The following CASZ1 variants were observed in gnomAD, a reference collection of about 807,000 sequenced individuals.
CASZ1 encodes castor zinc finger 1, also known as zinc finger protein castor homolog 1.
CASZ1 carries 28 observed loss-of-function variants against 135.2 expected under a neutral mutation model. That is an observed-to-expected ratio of 0.21 (90% CI 0.15 to 0.28). The LOEUF (loss-of-function observed/expected upper bound fraction) is 0.28, where lower values mean the gene tolerates loss of function less well. CASZ1 is among the 10% of genes least tolerant of loss of function. The probability of loss-of-function intolerance (pLI) is 1.00; values close to 1 mark genes in which losing one functional copy is unlikely to be tolerated. For synonymous variants in CASZ1, 1,068 were observed against 1,073.4 expected (o/e 0.99, Z 0.10); for missense variants, 2,161 against 2,453.3 (o/e 0.88, Z 2.52).
chr1:10,709,777 G>A lies in CASZ1; in HGVS notation c.-76-4233C>T, dbSNP rs1270371126. On this transcript the variant is annotated intron_variant, in intron 2 of 20. Transcript: ENST00000377022. This position sits in a 1 kb window ranked among gnomAD's most constrained non-coding sequence, Gnocchi z 5.1. ...GGATGCGCACCAGGGGGATCCCATG[G>A]CATAACCAGGCAAAACGGAAAGGTC... is the stretch of plus-strand genomic sequence containing the variant. 6.6e-6 allele frequency among the ~76,000 whole-genome samples: 1 copy of A among 152,196 alleles called. No homozygotes were observed. Among genetic ancestry groups the A allele is most frequent in the Non-Finnish European group, 1.5e-5 (1 of 68,040 alleles).
In CASZ1 at chr1:10,653,877, T is replaced by C. The variant is rs1642691863; in HGVS notation, c.2180A>G (p.Asp727Gly). The change falls in exon 11 of 21, where the codon GAC becomes GGC. Residue 727 changes from aspartate (D) to glycine (G), a missense_variant. By Grantham distance (94) the Asp-to-Gly change is moderately conservative. Transcript: ENST00000377022. ...HEESSNDDLV[D>G]FSALSSKNSS... ...GTTCTTGCTGCTCAGGGCGGAGAAG[T>C]CAACAAGGTCGTCGTTGCTGGACTC... 6.2e-7 allele frequency: 1 copy of C among 1,613,086 alleles called. No individual in the cohort carries two copies. Among genetic ancestry groups the C allele is most frequent in the African/African-American group, 1.3e-5 (1 of 75,024 alleles).
intron 2 of CASZ1, among the ~76,000 whole-genome samples, chr1:10,731,048 G>A (rs147106061): frequency 8.5e-5 from 13 of 152,152 alleles, no homozygotes; most frequent in Middle Eastern, 6.8e-3. Flanking sequence ...AGAAGTTGCA[G>A]TGAGCCAACA....
chr1:10,760,846 A>C lies in CASZ1; in HGVS notation c.-222T>G, dbSNP rs1482121628. 1 of 152,246 alleles carries C rather than the reference A, an allele frequency of 6.6e-6. No individual in the cohort carries two copies. The highest frequency in any genetic ancestry group is 1.5e-5 in the Non-Finnish European group (1 of 68,060). 9.4% of individuals were successfully genotyped at this position (152,246 alleles called of 1,614,324 possible). ...GAGGAGTCTTTGCCTTCAGTCAGCA[A>C]GGTCTGTTTGCCTGCCAAAATGAGA... On this transcript the variant is annotated 5_prime_UTR_variant, in exon 2 of 21. Transcript: ENST00000377022.
chr1:10,643,706 C>T (rs1398399430), intron 18 of CASZ1, among the ~76,000 whole-genome samples: 1 of 152,194 alleles, frequency 6.6e-6, no homozygotes, highest in African/African-American at 2.4e-5. Context: ...GCCCCTCTGC[C>T]CAGGCCCCAG....
intron 2 of CASZ1, among the ~76,000 whole-genome samples, chr1:10,740,004 C>T (rs1002597687): frequency 1.3e-5 from 2 of 152,168 alleles, no homozygotes; most frequent in African/African-American, 4.8e-5. Context: ...GGTGTCACAG[C>T]GTGTCCTCAT....
chr1:10,745,049 A>G (rs1397709998), intron 2 of CASZ1, among the ~76,000 whole-genome samples: 2 of 152,174 alleles, frequency 1.3e-5, no homozygotes, highest in African/African-American at 4.8e-5. Context: ...AAAGCCCAGT[A>G]TGACCTGGAT....
intron 1 of CASZ1, among the ~76,000 whole-genome samples, chr1:10,761,554 A>AG (rs372864728): frequency 2.0e-5 from 3 of 152,034 alleles, no homozygotes; most frequent in Non-Finnish European, 4.4e-5. Flanking sequence ...CAAAAAAAAA[A>AG]GTAGCCAAAG....
intron 4 of CASZ1, among the ~76,000 whole-genome samples, chr1:10,671,949 C>G (rs1643414915): frequency 6.6e-6 from 1 of 152,186 alleles, no homozygotes; most frequent in Admixed American, 6.5e-5. Flanking sequence ...CCTGGAGAGG[C>G]CCCAGACCTA....
intron 2 of CASZ1, among the ~76,000 whole-genome samples, chr1:10,743,499 C>G (rs548794962): frequency 1.5e-3 from 227 of 151,600 alleles, no homozygotes; most frequent in African/African-American, 5.3e-3. Context: ...GACCTGTACT[C>G]AGGGGGATGG....
At chr1:10,658,614 T>C (rs1284054438) in intron 6 of CASZ1, 38 bp from the exon 7 acceptor site, 1 of 1,584,936 alleles carries the variant, frequency 6.3e-7, no homozygotes, top group Non-Finnish European at 8.7e-7. Context: ...GGTGAGCAGA[T>C]GGGGCAGCCT....
At chr1:10,653,214 A>G (rs1208624686) in intron 11 of CASZ1, 163 bp downstream of exon 11, 1 of 783,958 alleles carries the variant, frequency 1.3e-6, no homozygotes, top group Non-Finnish European at 2.1e-6. Context: ...CATAGAAACC[A>G]ACAGGATGGG....
At chr1:10,785,057 GTC>G (rs111606813) in intron 1 of CASZ1, among the ~76,000 whole-genome samples, 15,593 of 146,788 alleles carry the variant, frequency 0.11, 1,371 homozygotes, top group African/African-American at 0.24. Flanking sequence ...CTTTCTTTCT[GTC>G]TCTCTCTCTC....
chr1:10,662,684 T>A (rs1249079182), intron 5 of CASZ1, among the ~76,000 whole-genome samples: 1 of 151,986 alleles, frequency 6.6e-6, no homozygotes, highest in Non-Finnish European at 1.5e-5. Flanking sequence ...GACTCTCACA[T>A]AAAACACACA....
rs368578179 is a variant in CASZ1 at position 10,743,468 on chromosome 1, C to G, written c.-77+17233G>C. On this transcript the variant is annotated intron_variant, in intron 2 of 20. Transcript: ENST00000377022. ...CTCCACCGAGAACCTTCTAAGTGTACCCCGGCATCCTCCACGTAGAGACCT... is the reference window on the plus strand; with the variant it reads ...CTCCACCGAGAACCTTCTAAGTGTAGCCCGGCATCCTCCACGTAGAGACCT... 1.7e-3 allele frequency among the ~76,000 whole-genome samples: 265 copies of G among 151,918 alleles called. 1 individual carries two copies. Among genetic ancestry groups the G allele is most frequent in the African/African-American group, 6.0e-3 (250 of 41,418 alleles).
In CASZ1 at chr1:10,777,359, C is replaced by T. The variant is rs1482675602; in HGVS notation, c.-233-16502G>A. Among the ~76,000 whole-genome samples, 9 of 152,188 alleles carry T rather than the reference C, an allele frequency of 5.9e-5. No homozygotes were observed. The highest frequency in any genetic ancestry group is 5.9e-5 in the Non-Finnish European group (4 of 68,034). ...AGGCCACCTCTGACCTCTGTGACTT[C>T]ACCCTTCACCCACAAGCCTCCTTTC... is the stretch of plus-strand genomic sequence containing the variant. On this transcript the variant is annotated intron_variant, in intron 1 of 20. Transcript: ENST00000377022. The surrounding 1 kb of genome is among the most constrained non-coding windows in gnomAD (Gnocchi z 4.4).
intron 4 of CASZ1, among the ~76,000 whole-genome samples, chr1:10,681,753 C>T (rs1638427858): frequency 6.6e-6 from 1 of 152,196 alleles, no homozygotes; most frequent in Non-Finnish European, 1.5e-5. Context: ...GCCCCAGGGA[C>T]GTGGCCTGGC....
chr1:10,640,465 A>T (rs1221047874), intron 20 of CASZ1, among the ~76,000 whole-genome samples: 1 of 152,228 alleles, frequency 6.6e-6, no homozygotes. Flanking sequence ...CGCCAGCTAT[A>T]GCTGCCTCTA....
intron 4 of CASZ1, among the ~76,000 whole-genome samples, chr1:10,692,848 C>T (rs1331724401): frequency 6.6e-6 from 1 of 152,196 alleles, no homozygotes; most frequent in Non-Finnish European, 1.5e-5. Context: ...CCACCAGTAT[C>T]ACCTATCCCA....
At position 10,769,005 on chromosome 1, in the gene CASZ1, G is replaced by T. The variant is rs191315624; in HGVS notation, c.-233-8148C>A. On this transcript the variant is annotated intron_variant, in intron 1 of 20. Transcript: ENST00000377022. ...AAAATACAAAAATTAGCCGGGTGTG[G>T]TGGCGGCGTCTGTAATCCCAGCTAC... 2.1e-4 allele frequency among the ~76,000 whole-genome samples: 32 copies of T among 152,342 alleles called. No homozygotes were observed. In the East Asian group the frequency reaches 5.8e-3, roughly 28 times the overall value.
Sources: gnomAD v4.1 joint callset for allele counts (sites outside exome capture counted in the v4.1 genomes callset) on GRCh38, gnomAD v4.1.1 for gene constraint, Gnocchi (gnomAD v3.1) non-coding constraint, MANE v1.5 for transcripts, NCBI Gene and HGNC (gene_info 2026-07-23, HGNC 2026-07-21) for gene names.